The following ACTR3B variants were observed in gnomAD, a reference collection of about 807,000 sequenced individuals.
The protein encoded by ACTR3B is actin-related protein 3B.
ACTR3B carries 8 observed loss-of-function variants against 59.0 expected under a neutral mutation model. The ratio of observed to expected loss-of-function variants is 0.14; its 90% CI spans 0.08 to 0.24. The LOEUF (loss-of-function observed/expected upper bound fraction) is 0.24. ACTR3B is among the 10% of genes least tolerant of loss of function. ACTR3B has a pLI of 1.00. For synonymous variants in ACTR3B, 148 were observed against 197.9 expected (o/e 0.75, Z 2.12); for missense variants, 245 against 552.3 (o/e 0.44, Z 5.58).
chr7:152,810,109 C>T (rs1478489923), intron 4 of ACTR3B, among the ~76,000 whole-genome samples: 1 of 151,868 alleles, frequency 6.6e-6, no homozygotes, highest in Non-Finnish European at 1.5e-5. Flanking sequence ...CTCCCTCCAC[C>T]TTGTTTTTTG....
intron 9 of ACTR3B, among the ~76,000 whole-genome samples, chr7:152,833,511 A>C (rs1406718623): frequency 6.6e-6 from 1 of 152,176 alleles, no homozygotes; most frequent in Non-Finnish European, 1.5e-5. Context: ...TGTAAATAGC[A>C]GGGAGAGGGG....
At chr7:152,798,781 G>C (rs1005874177) in intron 2 of ACTR3B, among the ~76,000 whole-genome samples, 1 of 152,046 alleles carries the variant, frequency 6.6e-6, no homozygotes, top group Non-Finnish European at 1.5e-5. Context: ...TTTACACTTT[G>C]CCCGTTGTGT....
At chr7:152,838,823 T>C (rs1568734) in intron 9 of ACTR3B, among the ~76,000 whole-genome samples, 113,344 of 149,718 alleles carry the variant, frequency 0.76, 41,769 homozygotes, top group East Asian at 0.88. Context: ...AGGGTTCCAC[T>C]TCACTGCTTC....
rs999849314 is a variant in ACTR3B at position 152,824,395 on chromosome 7, A to T, written c.859-635A>T. On this transcript the variant is annotated intron_variant, in intron 8 of 11. Transcript: ENST00000256001. The surrounding 1 kb of genome is among the most constrained non-coding windows in gnomAD (Gnocchi z 4.2). ...TGAATATCCTCCTCCTTCCTCTGAG[A>T]GTGCACATTCAAGCTTACTTTGATT... Among the ~76,000 whole-genome samples the T allele has an allele frequency of 3.3e-5, 5 of 152,236 alleles. No homozygotes were observed. Among genetic ancestry groups the T allele is most frequent in the African/African-American group, 1.2e-4 (5 of 41,466 alleles).
At chr7:152,789,415 A>C (rs2098187157) in intron 2 of ACTR3B, among the ~76,000 whole-genome samples, 1 of 150,600 alleles carries the variant, frequency 6.6e-6, no homozygotes. Flanking sequence ...ACCCCAAGAC[A>C]ACTCTTCCAT....
rs1402411873 is a variant in ACTR3B at position 152,853,542 on chromosome 7, G to A, written c.1126G>A (p.Ala376Thr). 1.2e-6 allele frequency: 2 copies of A among 1,613,962 alleles called. No individual in the cohort carries two copies. The highest frequency in any genetic ancestry group is 1.1e-5 in the South Asian group (1 of 91,054). Residue 376 changes from alanine (A) to threonine (T), a missense_variant, in exon 11 of 12, where the codon GCC becomes ACC. This residue lies in a region of ACTR3B where 153 missense variants were observed against 266.2 expected (regional missense o/e 0.57). Coordinates refer to ENST00000256001, the MANE Select transcript of ACTR3B (RefSeq NM_020445.6). ...QVVTHHMQRY[A>T]VWFGGSMLAS... ...GGTCACGCATCACATGCAGCGCTAC[G>A]CCGTGTGGTTCGGAGGCTCCATGCT... is the stretch of plus-strand genomic sequence containing the variant.
chr7:152,777,902 A>G (rs1374816647), intron 1 of ACTR3B, among the ~76,000 whole-genome samples: 2 of 151,592 alleles, frequency 1.3e-5, no homozygotes, highest in African/African-American at 4.9e-5. Context: ...GTGAGCTGAG[A>G]TTGTGCCACT....
intron 1 of ACTR3B, among the ~76,000 whole-genome samples, chr7:152,763,590 A>T (rs1590182428): frequency 6.6e-6 from 1 of 152,000 alleles, no homozygotes. Flanking sequence ...TGCCCGGCTA[A>T]CTTTTTGTAT....
At chr7:152,815,221 A>AAGGAGG (rs199836055) in intron 5 of ACTR3B, among the ~76,000 whole-genome samples, 1 of 152,034 alleles carries the variant, frequency 6.6e-6, no homozygotes, top group Admixed American at 6.6e-5. Context: ...AGTCACTTCT[A>AAGGAGG]AGGAGGAGGA....
intron 9 of ACTR3B, among the ~76,000 whole-genome samples, chr7:152,851,362 T>G (rs556317747): frequency 6.6e-6 from 1 of 152,156 alleles, no homozygotes; most frequent in African/African-American, 2.4e-5. Context: ...GTGAGTGACG[T>G]AGGTGAGGCC....
rs112079596 is a variant in ACTR3B at position 152,760,833 on chromosome 7, G to A, written c.44+907G>A. Among the ~76,000 whole-genome samples the A allele has an allele frequency of 3.2e-3, 490 of 152,234 alleles. 3 individuals carry two copies. The highest frequency in any genetic ancestry group is 0.011 in the African/African-American group (469 of 41,516). ...TGTAGCTGGTAGTTTGGGAATACAA[G>A]CTTGCCTGCCTGCGTTATGGGTGTA... is the stretch of plus-strand genomic sequence containing the variant. On this transcript the variant is annotated intron_variant, in intron 1 of 11. Transcript: ENST00000256001.
At chr7:152,829,580 G>C (rs576750089) in intron 9 of ACTR3B, among the ~76,000 whole-genome samples, 1 of 152,118 alleles carries the variant, frequency 6.6e-6, no homozygotes, top group African/African-American at 2.4e-5. Context: ...GGAAGCCTCC[G>C]TGTGAGAGCA....
At chr7:152,852,276 GTGCCTGGGGCTAT>G (rs1376548370) in intron 10 of ACTR3B, 25 bp downstream of exon 10, 4 of 1,596,384 alleles carry the variant, frequency 2.5e-6, no homozygotes, top group East Asian at 2.2e-5. Context: ...CCTCCACGCA[GTGCCTGGGGCTAT>G]TGCCCCAGGC....
intron 9 of ACTR3B, among the ~76,000 whole-genome samples, chr7:152,826,479 A>G (rs1342157102): frequency 6.6e-6 from 1 of 152,134 alleles, no homozygotes; most frequent in Non-Finnish European, 1.5e-5. Context: ...ATTACAGTTC[A>G]GTTTTTGCTG....
chr7:152,807,810 C>T (rs571098644), intron 4 of ACTR3B, among the ~76,000 whole-genome samples: 5 of 152,188 alleles, frequency 3.3e-5, no homozygotes, highest in South Asian at 4.1e-4. Flanking sequence ...TTTTACGTAT[C>T]GTTGTTTTAT....
intron 10 of ACTR3B, 63 bp downstream of exon 10, chr7:152,852,314 C>T (rs951777611): frequency 2.2e-5 from 34 of 1,535,964 alleles, no homozygotes; most frequent in Admixed American, 9.0e-5. Context: ...CCGGGGCCCT[C>T]CTGACACAGA....
intron 1 of ACTR3B, among the ~76,000 whole-genome samples, chr7:152,772,366 C>A (rs2098126092): frequency 6.7e-6 from 1 of 149,156 alleles, no homozygotes; most frequent in African/African-American, 2.5e-5. Context: ...CCCCCTGCCC[C>A]CTAAAAGAAA....
chr7:152,840,600 G>A (rs1439302143), intron 9 of ACTR3B, among the ~76,000 whole-genome samples: 2 of 143,138 alleles, frequency 1.4e-5, no homozygotes, highest in African/African-American at 2.6e-5. Flanking sequence ...TCAGGAAAAC[G>A]GGGTTTCTAC....
intron 1 of ACTR3B, among the ~76,000 whole-genome samples, chr7:152,775,190 C>CAAAA (rs67260503): frequency 9.4e-5 from 4 of 42,594 alleles, no homozygotes; most frequent in African/African-American, 1.8e-4. Context: ...AACCCTGTCT[C>CAAAA]AAAAAAAAAA....
Sources: allele counts gnomAD v4.1 joint callset (sites outside exome capture counted in the v4.1 genomes callset), GRCh38; gene constraint gnomAD v4.1.1; regional missense constraint gnomAD v4.1.1; non-coding constraint Gnocchi (gnomAD v3.1); transcripts MANE v1.5; gene names NCBI Gene and HGNC (gene_info 2026-07-23, HGNC 2026-07-21).